Variants in MEGF6 observed in about 807,000 individuals in gnomAD.
The protein encoded by MEGF6 is multiple EGF like domains 6.
Under a neutral mutation model 207.1 loss-of-function variants are expected in MEGF6, and 184 were observed. That is an observed-to-expected ratio of 0.89 (90% CI 0.79 to 1.00). MEGF6 has a LOEUF of 1.00. Among genes scored for constraint, MEGF6 ranks in the 50% least tolerant of loss-of-function variants. MEGF6 has a pLI of 0.00. For synonymous variants in MEGF6, 1,038 were observed against 910.0 expected, an observed-to-expected ratio of 1.14 and a Z score of -2.53; for missense variants, 2,282 against 2,202.9, an observed-to-expected ratio of 1.04 and a Z score of -0.72.
chr1:3,521,430 G>A lies in MEGF6; in HGVS notation c.604+2694C>T, dbSNP rs989946285. ...CAGTGCCCTCTAACAGGCCCAGGCC[G>A]AGCTGCCGCAGGAGACCCCCCACAG... On this transcript the variant is annotated intron_variant, in intron 5 of 36. Coordinates refer to ENST00000356575, the MANE Select transcript of MEGF6 (RefSeq NM_001409.4). Among the ~76,000 whole-genome samples, 6 of 152,162 alleles carry A rather than the reference G, an allele frequency of 3.9e-5. No homozygotes were observed. In the South Asian group the frequency reaches 1.0e-3, roughly 26 times the overall value.
upstream of MEGF6, among the ~76,000 whole-genome samples, chr1:3,615,408 G>A (rs557720860): frequency 6.6e-6 from 1 of 152,306 alleles, no homozygotes; most frequent in South Asian, 2.1e-4. Flanking sequence ...CTTTCCAAGT[G>A]GGGGCTTCCC....
At chr1:3,554,342 CG>C (rs146401417) in intron 4 of MEGF6, among the ~76,000 whole-genome samples, 2,435 of 151,948 alleles carry the variant, frequency 0.016, 69 homozygotes, top group African/African-American at 0.055. Flanking sequence ...GAAAAGCCAG[CG>C]GGGTCTAACA....
At chr1:3,505,388 G>GCT (rs1553192305) in intron 16 of MEGF6, 34 bp downstream of exon 16, 1 of 1,565,968 alleles carries the variant, frequency 6.4e-7, no homozygotes, top group African/African-American at 1.6e-5. Flanking sequence ...CGACCCTGGC[G>GCT]CCCCCCGCCC....
At chr1:3,587,946 G>C (rs567422217) in intron 3 of MEGF6, among the ~76,000 whole-genome samples, 2 of 19,612 alleles carry the variant, frequency 1.0e-4, no homozygotes, top group Non-Finnish European at 1.7e-4. Flanking sequence ...GCAGGAGGGG[G>C]CAGGAGGGGG....
chr1:3,562,284 T>G (rs1269929621), intron 4 of MEGF6, among the ~76,000 whole-genome samples: 2 of 152,238 alleles, frequency 1.3e-5, no homozygotes. Context: ...CTGTCTCTCT[T>G]CATCCCGGTC....
At chr1:3,589,967 C>T (rs1247790458) in intron 3 of MEGF6, among the ~76,000 whole-genome samples, 2 of 152,222 alleles carry the variant, frequency 1.3e-5, no homozygotes, top group Non-Finnish European at 2.9e-5. Flanking sequence ...GTTTAGGAAG[C>T]GCTTACTGGA....
intron 14 of MEGF6, among the ~76,000 whole-genome samples, chr1:3,507,298 G>T (rs1055149597): frequency 6.6e-6 from 1 of 152,236 alleles, no homozygotes; most frequent in Non-Finnish European, 1.5e-5. Context: ...AAGACTTAAA[G>T]ATGAAGCTTT....
chr1:3,561,656 C>T lies in MEGF6; in HGVS notation c.481+18169G>A, dbSNP rs970477326. ...GCTGATGACAAAGACCGTTCCCGCC[C>T]GCATCCTGGGTGTGCCCTAGGAAAG... On this transcript the variant is annotated intron_variant, in intron 4 of 36. Coordinates refer to ENST00000356575, the MANE Select transcript of MEGF6 (RefSeq NM_001409.4). Among the ~76,000 whole-genome samples, 8 of 152,290 alleles carry T rather than the reference C, an allele frequency of 5.3e-5. No individual in the cohort carries two copies. The South Asian group carries it at 8.3e-4, about 16-fold the overall frequency.
upstream of MEGF6, among the ~76,000 whole-genome samples, chr1:3,613,054 T>C (rs532528799): frequency 1.4e-4 from 21 of 152,154 alleles, no homozygotes; most frequent in Non-Finnish European, 2.9e-4. Context: ...ACAACAACCA[T>C]TGACAGGCAC....
chr1:3,553,747 G>C (rs922406154), intron 4 of MEGF6, among the ~76,000 whole-genome samples: 1 of 152,320 alleles, frequency 6.6e-6, no homozygotes, highest in African/African-American at 2.4e-5. Context: ...CAGAGGAGAG[G>C]CAGGGCAGCG....
At chr1:3,552,819 C>T (rs1642927266) in intron 4 of MEGF6, among the ~76,000 whole-genome samples, 1 of 152,126 alleles carries the variant, frequency 6.6e-6, no homozygotes, top group African/African-American at 2.4e-5. Context: ...CCACTTTTCT[C>T]TGCAGCCACC....
chr1:3,501,080 A>G lies in MEGF6; in HGVS notation c.2461T>C (p.Trp821Arg). 6.2e-7 allele frequency: 1 copy of G among 1,612,738 alleles called. No homozygotes were observed. Among genetic ancestry groups the G allele is most frequent in the Non-Finnish European group, 8.5e-7 (1 of 1,179,914 alleles). The change falls in exon 20 of 37, where the codon TGG becomes CGG. Residue 821 changes from tryptophan (W) to arginine (R), a missense_variant. Coordinates refer to ENST00000356575, the MANE Select transcript of MEGF6 (RefSeq NM_001409.4). ...SRCQDVCPAG[W>R]YGPSCQTRCS... ...CTTGTCTGGCAGCTGGGACCATACC[A>G]GCCTGCTGGGCACACTACAGGCAGG... is the stretch of plus-strand genomic sequence containing the variant.
chr1:3,552,394 A>C (rs6413780), intron 4 of MEGF6, among the ~76,000 whole-genome samples: 22,674 of 152,264 alleles, frequency 0.15, 2,533 homozygotes, highest in African/African-American at 0.31. Flanking sequence ...GAGCCAAGAA[A>C]GCGCTGAGGC....
intron 4 of MEGF6, among the ~76,000 whole-genome samples, chr1:3,527,434 G>A (rs1418702091): frequency 6.6e-6 from 1 of 152,238 alleles, no homozygotes; most frequent in Admixed American, 6.5e-5. Context: ...TCTACTGGAG[G>A]CACAAGACAC....
chr1:3,511,334 G>C (rs1029190644), intron 9 of MEGF6, among the ~76,000 whole-genome samples: 7 of 152,178 alleles, frequency 4.6e-5, no homozygotes, highest in African/African-American at 1.7e-4. Flanking sequence ...ATGGGTATGG[G>C]CCTGGCGGGC....
chr1:3,561,643 G>A (rs1326890590), intron 4 of MEGF6, among the ~76,000 whole-genome samples: 7 of 152,300 alleles, frequency 4.6e-5, no homozygotes, highest in Non-Finnish European at 8.8e-5. Flanking sequence ...TGATGACAAA[G>A]ACCGTTCCCG....
At chr1:3,612,431 G>A (rs546640470), upstream of MEGF6, among the ~76,000 whole-genome samples, 1 of 152,254 alleles carries the variant, frequency 6.6e-6, no homozygotes, top group Non-Finnish European at 1.5e-5. Flanking sequence ...TGACTCCAGG[G>A]GCCAGGACCA....
At chr1:3,537,616 G>A (rs925008411) in intron 4 of MEGF6, among the ~76,000 whole-genome samples, 3 of 152,244 alleles carry the variant, frequency 2.0e-5, no homozygotes, top group African/African-American at 7.2e-5. Context: ...CGCTCCCACG[G>A]AAGGCGGGAG....
In MEGF6 at chr1:3,575,647, C is replaced by T. The variant is rs193241988; in HGVS notation, c.481+4178G>A. On this transcript the variant is annotated intron_variant, in intron 4 of 36. Transcript: ENST00000356575. ...AGCAAGTCACATCTTACATGGATGGCAGCAGGCAAAGAGAGAGAGCTTGTG... is the reference window on the plus strand; with the variant it reads ...AGCAAGTCACATCTTACATGGATGGTAGCAGGCAAAGAGAGAGAGCTTGTG... Among the ~76,000 whole-genome samples, 54 of 137,052 alleles carry T rather than the reference C, an allele frequency of 3.9e-4. 1 individual carries two copies. The highest frequency in any genetic ancestry group is 7.8e-3 in the Middle Eastern group (2 of 258). The allele number at this position is 137,052 out of a possible 152,430, so 89.9% of individuals were successfully genotyped here. A position where few individuals can be genotyped will look rare whatever the true frequency, so the allele number is the denominator to read the frequency against.
Sources: allele counts gnomAD v4.1 joint callset (sites outside exome capture counted in the v4.1 genomes callset), GRCh38; gene constraint gnomAD v4.1.1; transcripts MANE v1.5; gene names NCBI Gene and HGNC (gene_info 2026-07-23, HGNC 2026-07-21).